Variants in CAMTA1 observed in about 807,000 individuals in gnomAD.
CAMTA1 encodes the protein calmodulin-binding transcription activator 1.
CAMTA1 carries 27 observed loss-of-function variants against 170.9 expected under a neutral mutation model. That is an observed-to-expected ratio of 0.16 (90% CI 0.12 to 0.22). CAMTA1 has a LOEUF of 0.22. CAMTA1 is among the 10% of genes least tolerant of loss of function. The pLI, the probability that CAMTA1 is intolerant of heterozygous loss-of-function variation, is 1.00. For missense variants in CAMTA1, 1,619 were observed against 2,217.2 expected, an observed-to-expected ratio of 0.73 and a Z score of 5.42; for synonymous variants, 833 against 891.5, an observed-to-expected ratio of 0.93 and a Z score of 1.17.
At chr1:6,846,785 G>A (rs1308772186) in intron 3 of CAMTA1, among the ~76,000 whole-genome samples, 1 of 152,174 alleles carries the variant, frequency 6.6e-6, no homozygotes, top group African/African-American at 2.4e-5. Flanking sequence ...ATTCAGAGGA[G>A]CTTGGCTAGA....
intron 11 of CAMTA1, among the ~76,000 whole-genome samples, chr1:7,679,575 G>GCC (rs377170123): frequency 0.013 from 1,356 of 103,456 alleles, 72 homozygotes; most frequent in African/African-American, 0.033. Context: ...CTCCCTAGCT[G>GCC]CCCCCCCCCC....
intron 7 of CAMTA1, among the ~76,000 whole-genome samples, chr1:7,660,833 G>A (rs191699848): frequency 1.3e-5 from 2 of 152,320 alleles, no homozygotes; most frequent in Admixed American, 6.5e-5. Flanking sequence ...CCAAAGCTGC[G>A]AATCCACTGC....
Position 7,732,424 on chromosome 1 carries a change from A to C in CAMTA1, c.2915-24A>C. 1 of 1,605,354 alleles carries C rather than the reference A, an allele frequency of 6.2e-7. No homozygotes were observed. Among genetic ancestry groups the C allele is most frequent in the South Asian group, 1.1e-5 (1 of 90,848 alleles). On this transcript the variant is annotated intron_variant, in intron 11 of 22. Transcript: ENST00000303635. The surrounding 1 kb of genome is among the most constrained non-coding windows in gnomAD (Gnocchi z 4.1). ...TGCTTTTCTTCCAGAACACAACCTC[A>C]CTCTTCCTCCTGCTCTGCCCTAGAT...
intron 3 of CAMTA1, among the ~76,000 whole-genome samples, chr1:6,978,019 C>T (rs749246229): frequency 2.0e-5 from 3 of 151,872 alleles, no homozygotes; most frequent in East Asian, 1.9e-4. Flanking sequence ...CAGTTAAACA[C>T]GTGGAGGTAG....
rs898271855 is a variant in CAMTA1, at chr1:7,187,128, C to T, written c.303-62363C>T. Among the ~76,000 whole-genome samples the T allele has an allele frequency of 2.6e-5, 4 of 152,088 alleles. No homozygotes were observed. In the East Asian group the frequency reaches 7.7e-4, roughly 29 times the overall value. On this transcript the variant is annotated intron_variant, in intron 4 of 22. Transcript: ENST00000303635. ...TGACAGTATGAGAGAGTGGCTGGGGCACAGGGCAGGGTGGGTGCGGGGGCA... is the reference window on the plus strand; with the variant it reads ...TGACAGTATGAGAGAGTGGCTGGGGTACAGGGCAGGGTGGGTGCGGGGGCA...
At chr1:7,024,619 G>A (rs752767737) in intron 3 of CAMTA1, among the ~76,000 whole-genome samples, 10 of 152,172 alleles carry the variant, frequency 6.6e-5, no homozygotes, top group Non-Finnish European at 8.8e-5. Context: ...TTGTTCACCC[G>A]ATGTGTTTCT....
intron 9 of CAMTA1, among the ~76,000 whole-genome samples, chr1:7,668,499 C>G (rs908684992): frequency 6.6e-6 from 1 of 151,932 alleles, no homozygotes; most frequent in Non-Finnish European, 1.5e-5. Context: ...AGACATGGGC[C>G]CTTTATCTCA....
At chr1:7,301,062 A>T (rs1452776912) in intron 5 of CAMTA1, among the ~76,000 whole-genome samples, 2 of 152,304 alleles carry the variant, frequency 1.3e-5, no homozygotes, top group Non-Finnish European at 2.9e-5. Flanking sequence ...TTATGCAGAA[A>T]ATCTTCCATG....
chr1:7,339,975 C>A (rs1354065832), intron 5 of CAMTA1, among the ~76,000 whole-genome samples: 2 of 152,182 alleles, frequency 1.3e-5, no homozygotes, highest in African/African-American at 4.8e-5. Flanking sequence ...ACATTCAGAA[C>A]CTGACCCAGG....
intron 3 of CAMTA1, among the ~76,000 whole-genome samples, chr1:6,911,364 G>T (rs964394827): frequency 6.6e-6 from 1 of 152,208 alleles, no homozygotes; most frequent in Non-Finnish European, 1.5e-5. Context: ...ACCTTGTGGG[G>T]GATGAGGAGA....
At chr1:7,605,694 C>T (rs2095480758) in intron 6 of CAMTA1, among the ~76,000 whole-genome samples, 1 of 152,204 alleles carries the variant, frequency 6.6e-6, no homozygotes, top group South Asian at 2.1e-4. Context: ...CACTGTCCTG[C>T]ACCCACTTTC....
At chr1:6,849,988 T>A (rs1659753759) in intron 3 of CAMTA1, among the ~76,000 whole-genome samples, 1 of 142,472 alleles carries the variant, frequency 7.0e-6, no homozygotes, top group Admixed American at 7.5e-5. Flanking sequence ...TGAGCCGAGA[T>A]CATGCAACTG....
At chr1:7,263,163 T>G (rs1668421680) in intron 5 of CAMTA1, among the ~76,000 whole-genome samples, 1 of 152,230 alleles carries the variant, frequency 6.6e-6, no homozygotes, top group Admixed American at 6.5e-5. Flanking sequence ...CGCTTCATTA[T>G]GTATAGTAAC....
Position 7,456,019 on chromosome 1 carries a change from C to A in CAMTA1, c.439-11811C>A, listed in dbSNP as rs974686168. On this transcript the variant is annotated intron_variant, in intron 5 of 22. Coordinates refer to ENST00000303635, the MANE Select transcript of CAMTA1 (RefSeq NM_015215.4). The surrounding 1 kb of genome is among the most constrained non-coding windows in gnomAD (Gnocchi z 4.9). ...ATCCCTGAGGCTGAAATACACAACACCCCTGCTGGCCTAACAGGCTGTTGA... is the reference window on the plus strand; with the variant it reads ...ATCCCTGAGGCTGAAATACACAACAACCCTGCTGGCCTAACAGGCTGTTGA... Among the ~76,000 whole-genome samples the A allele has an allele frequency of 6.6e-6, 1 of 152,196 alleles. No individual in the cohort carries two copies. Among genetic ancestry groups the A allele is most frequent in the Non-Finnish European group, 1.5e-5 (1 of 68,042 alleles).
chr1:7,471,632 G>A (rs376860926), intron 6 of CAMTA1, among the ~76,000 whole-genome samples: 10 of 152,376 alleles, frequency 6.6e-5, no homozygotes, highest in African/African-American at 2.4e-4. Flanking sequence ...GTGGGTCAGG[G>A]GAGGAGCAGG....
At chr1:6,999,584 T>C (rs1447614041) in intron 3 of CAMTA1, among the ~76,000 whole-genome samples, 5 of 152,190 alleles carry the variant, frequency 3.3e-5, no homozygotes, top group Non-Finnish European at 7.3e-5. Flanking sequence ...GGCTTTCCCA[T>C]GTTGCCTAGG....
rs746881211 is a variant in CAMTA1, at chr1:7,665,148, C to T, written c.2601C>T (p.Ser867=). 2.0e-5 allele frequency: 30 copies of T among 1,504,738 alleles called. No individual in the cohort carries two copies. Among genetic ancestry groups the T allele is most frequent in the Non-Finnish European group, 2.4e-5 (27 of 1,131,188 alleles). The allele number at this position is 1,504,738 out of a possible 1,614,324, so 93.2% of individuals were successfully genotyped here. The change falls in exon 9 of 23, where the codon AGC becomes AGT. Residue 867 remains serine (S), a synonymous_variant. Coordinates refer to ENST00000303635, the MANE Select transcript of CAMTA1 (RefSeq NM_015215.4). The surrounding 1 kb of genome is among the most constrained non-coding windows in gnomAD (Gnocchi z 4.3). ...AQGTLGMLQQ[S]GRVFMVTDYS... ...GCACCCTAGGCATGCTGCAGCAGAG[C>T]GGACGGGTGTTCATGGTGACCGACT...
intron 7 of CAMTA1, among the ~76,000 whole-genome samples, chr1:7,655,223 TACAC>T (rs148424846): frequency 2.9e-4 from 39 of 135,328 alleles, no homozygotes; most frequent in South Asian, 9.6e-4. Flanking sequence ...CACCCATCTA[TACAC>T]ACACACACCT....
chr1:7,527,050 C>T (rs1471895396), intron 6 of CAMTA1, among the ~76,000 whole-genome samples: 3 of 152,182 alleles, frequency 2.0e-5, no homozygotes, highest in African/African-American at 4.8e-5. Flanking sequence ...CTCTTCCTGC[C>T]CCAGGCCAGC....
Sources: gnomAD v4.1 joint callset for allele counts (sites outside exome capture counted in the v4.1 genomes callset) on GRCh38, gnomAD v4.1.1 for gene constraint, Gnocchi (gnomAD v3.1) non-coding constraint, MANE v1.5 for transcripts, NCBI Gene and HGNC (gene_info 2026-07-23, HGNC 2026-07-21) for gene names.